The following DGKG variants were observed in gnomAD, a reference collection of about 807,000 sequenced individuals.
The protein encoded by DGKG is DAG kinase gamma.
In DGKG, 78 loss-of-function variants were observed where a neutral mutation model predicts 105.3. The ratio of observed to expected loss-of-function variants is 0.74; its 90% confidence interval spans 0.62 to 0.89. The LOEUF (loss-of-function observed/expected upper bound fraction) is 0.89. Ranked by LOEUF, DGKG falls within the 40% of genes least tolerant of loss-of-function variation. The pLI is 0.00. For synonymous variants in DGKG, 346 were observed against 367.1 expected (o/e 0.94, Z 0.66); for missense variants, 958 against 1,020.1 (o/e 0.94, Z 0.83).
chr3:186,196,322 A>G (rs979695608), intron 21 of DGKG, among the ~76,000 whole-genome samples: 2 of 151,806 alleles, frequency 1.3e-5, no homozygotes, highest in Admixed American at 6.6e-5. Flanking sequence ...TATTTTTAGT[A>G]CAGACAGGGT....
At chr3:186,211,480 C>T (rs530909529) in intron 21 of DGKG, among the ~76,000 whole-genome samples, 3 of 152,276 alleles carry the variant, frequency 2.0e-5, no homozygotes, top group Non-Finnish European at 2.9e-5. Flanking sequence ...CCTGTGCTGA[C>T]GGCAATGGAG....
intron 16 of DGKG, among the ~76,000 whole-genome samples, chr3:186,258,596 C>T (rs1342148045): frequency 1.3e-5 from 2 of 152,116 alleles, no homozygotes; most frequent in African/African-American, 4.8e-5. Flanking sequence ...TGGAACCATA[C>T]CCATGACTTT....
At chr3:186,190,290 C>T (rs970838157) in intron 21 of DGKG, among the ~76,000 whole-genome samples, 5 of 152,150 alleles carry the variant, frequency 3.3e-5, no homozygotes, top group South Asian at 2.1e-4. Flanking sequence ...TTTCCCATCC[C>T]GGCTTCCCTG....
At chr3:186,261,910 T>G (rs1371399838) in intron 14 of DGKG, 132 bp from the exon 15 acceptor site, 3 of 608,834 alleles carry the variant, frequency 4.9e-6, no homozygotes, top group Non-Finnish European at 8.7e-6. Context: ...GTTTTTCCAC[T>G]GGCTGAATTT....
chr3:186,225,773 T>G (rs1225632044), intron 20 of DGKG, among the ~76,000 whole-genome samples: 2 of 152,190 alleles, frequency 1.3e-5, no homozygotes, highest in Non-Finnish European at 2.9e-5. Context: ...ACCCCTCATA[T>G]AGACCGCTGT....
rs140707791 is a variant in DGKG at position 186,160,266 on chromosome 3, T to G, written c.2277+1337A>C. ...TATTTCAAAATCCAGTGCTTGAATT[T>G]ATAGGAATAGCAATCCAGTTTTCAG... On this transcript the variant is annotated intron_variant, in intron 24 of 24. Transcript: ENST00000265022. 49 of 985,402 alleles carry G rather than the reference T, an allele frequency of 5.0e-5. 1 individual carries two copies. The Middle Eastern group carries it at 1.6e-3, about 32-fold the overall frequency. The allele number at this position is 985,402 out of a possible 1,614,324, so 61.0% of individuals were successfully genotyped here.
intron 21 of DGKG, among the ~76,000 whole-genome samples, chr3:186,193,494 C>T (rs552513017): frequency 2.0e-5 from 3 of 152,388 alleles, no homozygotes; most frequent in Non-Finnish European, 2.9e-5. Flanking sequence ...CTACCTGAGG[C>T]TTTGCTGGAG....
At chr3:186,354,242 C>T (rs1485777419) in intron 1 of DGKG, among the ~76,000 whole-genome samples, 1 of 152,162 alleles carries the variant, frequency 6.6e-6, no homozygotes, top group Non-Finnish European at 1.5e-5. Context: ...TGGTGAAGTA[C>T]TATGAGCCAC....
intron 1 of DGKG, among the ~76,000 whole-genome samples, chr3:186,325,801 T>C (rs1033727810): frequency 6.6e-6 from 1 of 152,210 alleles, no homozygotes; most frequent in Non-Finnish European, 1.5e-5. Flanking sequence ...GTTACAAATC[T>C]GTTGCTATCT....
intron 22 of DGKG, among the ~76,000 whole-genome samples, chr3:186,172,429 A>C (rs1384382497): frequency 6.6e-6 from 1 of 152,196 alleles, no homozygotes; most frequent in Non-Finnish European, 1.5e-5. Context: ...GAGCCAACAG[A>C]ATTTCTAAAC....
At chr3:186,264,345 C>T (rs939999920) in intron 14 of DGKG, among the ~76,000 whole-genome samples, 2 of 152,096 alleles carry the variant, frequency 1.3e-5, no homozygotes, top group African/African-American at 4.8e-5. Flanking sequence ...CTCACTGCAA[C>T]CTCCACCTCC....
At chr3:186,316,375 TTGTATATGTGTATATA>T (rs1245970839) in intron 2 of DGKG, among the ~76,000 whole-genome samples, 5 of 152,260 alleles carry the variant, frequency 3.3e-5, no homozygotes, top group Non-Finnish European at 7.3e-5. Context: ...CATGTGTATG[TTGTATATGTGTATATA>T]TGTATATGTG....
intron 20 of DGKG, among the ~76,000 whole-genome samples, chr3:186,213,729 C>T (rs1024256279): frequency 2.6e-5 from 4 of 152,166 alleles, no homozygotes; most frequent in Non-Finnish European, 2.9e-5. Context: ...AGTTGTGGAA[C>T]GGGGCCCAGG....
chr3:186,215,137 G>A (rs1042491781), intron 20 of DGKG, among the ~76,000 whole-genome samples: 15 of 152,272 alleles, frequency 9.9e-5, no homozygotes, highest in African/African-American at 1.7e-4. Flanking sequence ...CTGGTGGGGC[G>A]CGACGGCTCA....
intron 23 of DGKG, among the ~76,000 whole-genome samples, chr3:186,162,079 A>G (rs1384320579): frequency 6.6e-6 from 1 of 152,172 alleles, no homozygotes; most frequent in Non-Finnish European, 1.5e-5. Flanking sequence ...TATTTTTAGT[A>G]GAGACGGGGT....
Position 186,148,804 on chromosome 3 carries a change from C to G in DGKG, c.*1286G>C, listed in dbSNP as rs1367380600. ...TTCATAATAGGGAGCTACTTTCATT[C>G]CCCTTAACCCTTGTGATCACCACAG... On this transcript the variant is annotated 3_prime_UTR_variant, in exon 25 of 25. Coordinates refer to ENST00000265022, the MANE Select transcript of DGKG (RefSeq NM_001346.3). 1.0e-6 allele frequency: 1 copy of G among 985,424 alleles called. No individual in the cohort carries two copies. Among genetic ancestry groups the G allele is most frequent in the Non-Finnish European group, 1.2e-6 (1 of 829,900 alleles). The allele number at this position is 985,424 out of a possible 1,614,324, so 61.0% of individuals were successfully genotyped here.
rs190037607 is a variant in DGKG, at chr3:186,268,328, T to C, written c.1116+473A>G. Reference sequence around the variant, plus strand: ...GCATTCTGGGTGTCTAGTGGGGCTGTGGACTCTAGCATGTGCTGTGGCTGG... The same window carrying C: ...GCATTCTGGGTGTCTAGTGGGGCTGCGGACTCTAGCATGTGCTGTGGCTGG... On this transcript the variant is annotated intron_variant, in intron 12 of 24. Coordinates refer to ENST00000265022, the MANE Select transcript of DGKG (RefSeq NM_001346.3). 1.3e-3 allele frequency among the ~76,000 whole-genome samples: 193 copies of C among 152,298 alleles called. 3 individuals are homozygous for C. Among genetic ancestry groups the C allele is most frequent in the Admixed American group, 0.013 (192 of 15,298 alleles).
intron 22 of DGKG, among the ~76,000 whole-genome samples, chr3:186,168,007 C>T (rs758672615): frequency 2.6e-5 from 4 of 152,128 alleles, no homozygotes; most frequent in Non-Finnish European, 5.9e-5. Context: ...TGTCCCAGAC[C>T]TCTAAAAGAG....
At chr3:186,191,218 C>T (rs4686412) in intron 21 of DGKG, among the ~76,000 whole-genome samples, 71,570 of 152,080 alleles carry the variant, frequency 0.47, 20,283 homozygotes, top group East Asian at 0.74. Context: ...CACCCTACAA[C>T]CTCTATTAGA....
Sources: gnomAD v4.1 joint callset for allele counts (sites outside exome capture counted in the v4.1 genomes callset) on GRCh38, gnomAD v4.1.1 for gene constraint, MANE v1.5 for transcripts, NCBI Gene and HGNC (gene_info 2026-07-23, HGNC 2026-07-21) for gene names.